Variants in ATP10B observed in about 807,000 individuals in gnomAD.
ATP10B encodes ATPase phospholipid transporting 10B (putative).
A neutral mutation model predicts 141.2 loss-of-function variants in ATP10B; 122 were observed. That is an observed-to-expected ratio of 0.86 (90% CI 0.75 to 1.00). ATP10B has a LOEUF of 1.00. Ranked by LOEUF, ATP10B falls within the 50% of genes least tolerant of loss-of-function variation. The pLI is 0.00. For missense variants in ATP10B, 1,876 were observed against 1,825.3 expected, an observed-to-expected ratio of 1.03 and a Z score of -0.51; for synonymous variants, 685 against 692.0, an observed-to-expected ratio of 0.99 and a Z score of 0.16.
chr5:160,873,980 G>T, the ATP10B span, among the ~76,000 whole-genome samples: 1 of 152,344 alleles, frequency 6.6e-6, no homozygotes, highest in East Asian at 1.9e-4. Context: ...CATTGCCCAG[G>T]CTTGCTTAGG....
At chr5:160,707,599 T>C (rs1765093108) in intron 3 of ATP10B, among the ~76,000 whole-genome samples, 1 of 152,232 alleles carries the variant, frequency 6.6e-6, no homozygotes, top group African/African-American at 2.4e-5. Context: ...GGCACACAAA[T>C]TCAAGTACAT....
chr5:160,577,284 T>C (rs1238963774), intron 24 of ATP10B, among the ~76,000 whole-genome samples: 2 of 152,164 alleles, frequency 1.3e-5, no homozygotes, highest in Non-Finnish European at 2.9e-5. Context: ...GTCCTTAAAC[T>C]CATTGCCCAA....
intron 1 of ATP10B, among the ~76,000 whole-genome samples, chr5:160,804,571 A>G (rs868530543): frequency 1.3e-5 from 2 of 152,238 alleles, no homozygotes; most frequent in South Asian, 4.1e-4. Context: ...ACCCAGGTTC[A>G]TATAGATCCA....
the ATP10B span, among the ~76,000 whole-genome samples, chr5:160,927,263 G>A: frequency 6.6e-6 from 1 of 152,136 alleles, no homozygotes; most frequent in East Asian, 1.9e-4. Flanking sequence ...ATAAAGCAGG[G>A]TAAAAGGGTG....
intron 2 of ATP10B, among the ~76,000 whole-genome samples, chr5:160,741,749 G>A (rs1227999019): frequency 1.3e-5 from 2 of 152,140 alleles, no homozygotes; most frequent in Non-Finnish European, 2.9e-5. Flanking sequence ...CAGAATTTGA[G>A]ACAGTAATTC....
chr5:160,686,910 T>C (rs1319070527), intron 5 of ATP10B: 2 of 980,016 alleles, frequency 2.0e-6, no homozygotes, highest in African/African-American at 3.5e-5. Flanking sequence ...ATATTTTAAC[T>C]TTTAATTTAA....
At chr5:160,848,543 C>G (rs760621205) in intron 1 of ATP10B, among the ~76,000 whole-genome samples, 1 of 152,162 alleles carries the variant, frequency 6.6e-6, no homozygotes, top group Non-Finnish European at 1.5e-5. Flanking sequence ...CACGTGCCAA[C>G]TGTATTTTAA....
At chr5:160,685,936 G>T in intron 6 of ATP10B, 143 bp downstream of exon 6, 2 of 675,120 alleles carry the variant, frequency 3.0e-6, no homozygotes, top group East Asian at 5.8e-5. Context: ...GCCCACTAGG[G>T]GTCGAAATCA....
At chr5:160,721,076 T>C (rs867612715) in intron 2 of ATP10B, among the ~76,000 whole-genome samples, 19 of 152,224 alleles carry the variant, frequency 1.2e-4, no homozygotes, top group Admixed American at 6.5e-5. Context: ...AAAAAGCAGT[T>C]TAAACATGGA....
chr5:160,906,768 A>G, the ATP10B span, among the ~76,000 whole-genome samples: 1 of 152,194 alleles, frequency 6.6e-6, no homozygotes, highest in Admixed American at 6.5e-5. Flanking sequence ...CTCCTGCTCG[A>G]CATGGAGTTG....
At chr5:160,901,240 TG>T in the ATP10B span, among the ~76,000 whole-genome samples, 2 of 152,218 alleles carry the variant, frequency 1.3e-5, no homozygotes, top group Non-Finnish European at 2.9e-5. Context: ...CTTCTTCTTC[TG>T]GGTTTGGAAC....
intron 3 of ATP10B, among the ~76,000 whole-genome samples, chr5:160,709,749 T>A (rs1765250336): frequency 3.8e-5 from 1 of 26,196 alleles, no homozygotes; most frequent in Non-Finnish European, 7.7e-5. Flanking sequence ...CCCAATGCTA[T>A]CCCTCCCCCC....
chr5:160,727,997 A>C (rs1766477105), intron 2 of ATP10B, among the ~76,000 whole-genome samples: 1 of 152,230 alleles, frequency 6.6e-6, no homozygotes, highest in Non-Finnish European at 1.5e-5. Flanking sequence ...TTTCACACTG[A>C]TAATGTCATT....
chr5:160,701,402 C>T (rs562931432), intron 3 of ATP10B, among the ~76,000 whole-genome samples: 1 of 152,284 alleles, frequency 6.6e-6, no homozygotes, highest in East Asian at 1.9e-4. Flanking sequence ...TCATTACCAG[C>T]ATGCTGTAAC....
chr5:160,809,417 G>A (rs144845191), intron 1 of ATP10B, among the ~76,000 whole-genome samples: 26 of 152,086 alleles, frequency 1.7e-4, no homozygotes, highest in East Asian at 1.2e-3. Flanking sequence ...TACTTGACAC[G>A]TAATAATTAT....
At chr5:160,743,804 C>T (rs1767632082) in intron 2 of ATP10B, among the ~76,000 whole-genome samples, 2 of 152,092 alleles carry the variant, frequency 1.3e-5, no homozygotes, top group South Asian at 4.2e-4. Flanking sequence ...TATTTTGTCC[C>T]CTTCACCTCA....
the ATP10B span, among the ~76,000 whole-genome samples, chr5:160,871,030 A>G: frequency 1.0e-4 from 4 of 39,666 alleles, no homozygotes; most frequent in South Asian, 3.5e-3. Flanking sequence ...ACAAAAATTG[A>G]GGGAATTCAT....
the ATP10B span, among the ~76,000 whole-genome samples, chr5:160,929,147 C>T: frequency 6.6e-6 from 1 of 152,172 alleles, no homozygotes; most frequent in Non-Finnish European, 1.5e-5. Context: ...GCATCCCTGC[C>T]CCAGGCTGGC....
At chr5:160,899,648 T>C in the ATP10B span, among the ~76,000 whole-genome samples, 1 of 152,236 alleles carries the variant, frequency 6.6e-6, no homozygotes, top group Non-Finnish European at 1.5e-5. Context: ...GAGTAATACA[T>C]GTTCATCACA....
Sources: allele counts gnomAD v4.1 joint callset (sites outside exome capture counted in the v4.1 genomes callset), GRCh38; gene constraint gnomAD v4.1.1; transcripts MANE v1.5; gene names NCBI Gene and HGNC (gene_info 2026-07-23, HGNC 2026-07-21).